Variants in IMMT observed in about 807,000 individuals in gnomAD.
The protein encoded by IMMT is MICOS complex subunit MIC60.
IMMT carries 40 observed loss-of-function variants against 92.7 expected under a neutral mutation model. The observed-to-expected ratio is 0.43, with a 90% confidence interval of 0.34 to 0.56. IMMT has a LOEUF of 0.56. IMMT is among the 20% of genes least tolerant of loss of function. IMMT has a pLI of 0.03. For missense variants in IMMT, 831 were observed against 912.1 expected, an observed-to-expected ratio of 0.91 and a Z score of 1.14; for synonymous variants, 322 against 336.1, an observed-to-expected ratio of 0.96 and a Z score of 0.46.
rs781769473 is a variant in IMMT at position 86,151,309 on chromosome 2, T to C, written c.1389A>G (p.Glu463=). ...LEHHRSEIQA[E]QDRKIEEVRD... ...TCATTTCTCTTACCTTTCTGTCCTG[T>C]TCAGCCTGTATTTCACTTCTGTGAT... is the stretch of plus-strand genomic sequence containing the variant. The change falls in exon 12 of 15, where the codon GAA becomes GAG. Residue 463 remains glutamate (E), a synonymous_variant. Coordinates refer to ENST00000410111, the MANE Select transcript of IMMT (RefSeq NM_006839.3). The C allele has an allele frequency of 6.2e-7, 1 of 1,612,158 alleles. No individual in the cohort carries two copies. The highest frequency in any genetic ancestry group is 1.1e-5 in the South Asian group (1 of 91,052).
chr2:86,189,851 A>G (rs972110430), intron 1 of IMMT, among the ~76,000 whole-genome samples: 4 of 152,228 alleles, frequency 2.6e-5, no homozygotes, highest in African/African-American at 9.6e-5. Context: ...TATCCCACAA[A>G]AAAATCCAGT....
rs80015710 is a variant in IMMT, at chr2:86,148,137, G to A, written c.1402-304C>T. On this transcript the variant is annotated intron_variant, in intron 12 of 14. Transcript: ENST00000410111. Reference sequence around the variant, plus strand: ...CTCATATAAAACACTGCCATTTCCTGAATCACATGCTCCTCTGAGAAATAA... The same window carrying A: ...CTCATATAAAACACTGCCATTTCCTAAATCACATGCTCCTCTGAGAAATAA... Among the ~76,000 whole-genome samples, 1,004 of 152,218 alleles carry A rather than the reference G, an allele frequency of 6.6e-3. 26 individuals carry two copies. The East Asian group carries it at 0.1, about 16-fold the overall frequency.
intron 1 of IMMT, among the ~76,000 whole-genome samples, chr2:86,194,140 T>C (rs964701162): frequency 6.6e-6 from 1 of 152,204 alleles, no homozygotes. Flanking sequence ...ACTTCAGTCC[T>C]GTAACTGCAA....
At chr2:86,184,795 C>T (rs892881449) in intron 1 of IMMT, among the ~76,000 whole-genome samples, 5 of 151,210 alleles carry the variant, frequency 3.3e-5, no homozygotes, top group African/African-American at 1.2e-4. Context: ...TATGTAGTGA[C>T]AGAAGTTTAT....
intron 3 of IMMT, among the ~76,000 whole-genome samples, chr2:86,175,684 T>C (rs1450596316): frequency 6.6e-6 from 1 of 150,750 alleles, no homozygotes; most frequent in Non-Finnish European, 1.5e-5. Flanking sequence ...CAGCAACAAG[T>C]TGACACGATG....
chr2:86,160,375 G>C (rs1676183367), intron 8 of IMMT, among the ~76,000 whole-genome samples: 1 of 152,172 alleles, frequency 6.6e-6, no homozygotes, highest in Non-Finnish European at 1.5e-5. Flanking sequence ...AGAGAGCTAA[G>C]GCAGGCAAAG....
At chr2:86,159,435 G>T in intron 9 of IMMT, 101 bp downstream of exon 9, 1 of 1,012,004 alleles carries the variant, frequency 9.9e-7, no homozygotes, top group Non-Finnish European at 1.5e-6. Flanking sequence ...CAGGAGAAAA[G>T]ACGGGGAGAT....
Position 86,161,976 on chromosome 2 carries a change from T to C in IMMT, c.896A>G (p.Lys299Arg), listed in dbSNP as rs183706942. Residue 299 changes from lysine to arginine, a missense_variant and splice_region_variant, in exon 8 of 15, where the codon AAA (lysine) becomes AGA (arginine). Coordinates refer to ENST00000410111, the MANE Select transcript of IMMT (RefSeq NM_006839.3). ...DEAADALLKA[K>R]EELEKMKSVI... ...CTTGTTAAAGTCCATGAGTAATTAC[T>C]TGGCTTTGAGAAGGGCATCGGCAGC... 147 of 1,585,106 alleles carry C rather than the reference T, an allele frequency of 9.3e-5. No homozygotes were observed. Among genetic ancestry groups the C allele is most frequent in the Admixed American group, 3.9e-4 (22 of 56,960 alleles).
At chr2:86,168,697 T>C (rs1676888248) in intron 6 of IMMT, among the ~76,000 whole-genome samples, 2 of 152,036 alleles carry the variant, frequency 1.3e-5, no homozygotes, top group Admixed American at 1.3e-4. Flanking sequence ...GAAAAAAAGA[T>C]GATTTTGAGG....
chr2:86,171,957 AT>A (rs1677120565), intron 4 of IMMT, among the ~76,000 whole-genome samples: 46 of 133,488 alleles, frequency 3.4e-4, no homozygotes, highest in African/African-American at 1.3e-3. Context: ...TGTGTGTAGT[AT>A]ATTTTTTTTT....
chr2:86,158,171 G>A (rs1372032677), intron 10 of IMMT, among the ~76,000 whole-genome samples: 1 of 152,158 alleles, frequency 6.6e-6, no homozygotes, highest in Non-Finnish European at 1.5e-5. Context: ...GTGTTGTTTT[G>A]TCACAGAGCA....
chr2:86,182,065 T>C (rs1672472536), intron 1 of IMMT, among the ~76,000 whole-genome samples: 1 of 151,116 alleles, frequency 6.6e-6, no homozygotes, highest in South Asian at 2.1e-4. Flanking sequence ...TGATTGGTTT[T>C]AATAAGAGTA....
At chr2:86,169,824 G>T (rs1676962568) in intron 6 of IMMT, among the ~76,000 whole-genome samples, 1 of 152,086 alleles carries the variant, frequency 6.6e-6, no homozygotes, top group African/African-American at 2.4e-5. Flanking sequence ...GGCCAAGGTG[G>T]GAGGATTTCT....
intron 2 of IMMT, 85 bp downstream of exon 2, chr2:86,181,214 C>T: frequency 1.0e-6 from 1 of 987,356 alleles, no homozygotes; most frequent in Admixed American, 1.9e-5. Flanking sequence ...AAGGTTTAGA[C>T]AGCTATTCCC....
chr2:86,154,953 C>G (rs1675746549), intron 10 of IMMT, among the ~76,000 whole-genome samples: 1 of 152,134 alleles, frequency 6.6e-6, no homozygotes, highest in Admixed American at 6.5e-5. Context: ...ACCTCCACTG[C>G]CCGGGTTCAA....
intron 12 of IMMT, among the ~76,000 whole-genome samples, chr2:86,149,456 T>C (rs1390120178): frequency 6.6e-6 from 1 of 152,156 alleles, no homozygotes; most frequent in African/African-American, 2.4e-5. Context: ...TTTCCAGCAG[T>C]GTAGTGTCTG....
At position 86,144,500 on chromosome 2, in the gene IMMT, G is replaced by C; in HGVS notation, c.2045C>G (p.Pro682Arg). Residue 682 changes from proline to arginine, a missense_variant, in exon 15 of 15, where the codon CCT becomes CGT. Physicochemically the swap from Pro to Arg is moderately radical, Grantham distance 103. Coordinates refer to ENST00000410111, the MANE Select transcript of IMMT (RefSeq NM_006839.3). ...QQLKPPPELC[P>R]EDINTFKLLS... ...TAATTTAAATGTGTTTATATCCTCA[G>C]GGCAGAGCTCTGGGGGCGGCTTCAG... 1.2e-6 allele frequency: 2 copies of C among 1,613,968 alleles called. No individual in the cohort carries two copies. Among genetic ancestry groups the C allele is most frequent in the African/African-American group, 2.7e-5 (2 of 75,032 alleles).
chr2:86,158,548 TG>T, intron 10 of IMMT, 43 bp downstream of exon 10: 1 of 1,482,264 alleles, frequency 6.7e-7, no homozygotes, highest in Non-Finnish European at 9.2e-7. Context: ...CATTGATTAG[TG>T]GTTAAAACAT....
At position 86,158,575 on chromosome 2, in the gene IMMT, A is replaced by C; in HGVS notation, c.1162+17T>G. ...GTTAAAACATCAAAAAAAAAACATT[A>C]CTTCAGTTGTACTCACTCATTCCTT... On this transcript the variant is annotated intron_variant, in intron 10 of 14. Transcript: ENST00000410111. 6.4e-7 allele frequency: 1 copy of C among 1,567,814 alleles called. No individual in the cohort carries two copies. The highest frequency in any genetic ancestry group is 8.7e-7 in the Non-Finnish European group (1 of 1,152,032).
Sources: allele counts gnomAD v4.1 joint callset (sites outside exome capture counted in the v4.1 genomes callset), GRCh38; gene constraint gnomAD v4.1.1; transcripts MANE v1.5; gene names NCBI Gene and HGNC (gene_info 2026-07-23, HGNC 2026-07-21).